MYT1: variants seen among roughly 807,000 people sequenced by gnomAD.
MYT1 encodes the protein myelin transcription factor 1.
Under a neutral mutation model 123.0 loss-of-function variants are expected in MYT1, and 23 were observed. The observed-to-expected ratio is 0.19, with a 90% CI of 0.13 to 0.26. The LOEUF (loss-of-function observed/expected upper bound fraction) is 0.26, where lower values mean the gene tolerates loss of function less well. Among genes scored for constraint, MYT1 ranks in the 10% least tolerant of loss-of-function variants. The pLI is 1.00. For missense variants in MYT1, 1,125 were observed against 1,472.5 expected (o/e 0.76, Z 3.86); for synonymous variants, 518 against 575.3 (o/e 0.90, Z 1.43).
intron 1 of MYT1, among the ~76,000 whole-genome samples, chr20:64,184,525 T>C (rs914703418): frequency 9.2e-5 from 14 of 152,226 alleles, no homozygotes; most frequent in Admixed American, 7.2e-4. Flanking sequence ...CCTTGATTAC[T>C]GCAGCTTTGT....
chr20:64,187,096 A>T (rs1251709805), intron 1 of MYT1, among the ~76,000 whole-genome samples: 2 of 146,674 alleles, frequency 1.4e-5, no homozygotes, highest in East Asian at 4.2e-4. Context: ...CCCGGCATCC[A>T]TGTTTCCGTG....
At position 64,198,929 on chromosome 20, in the gene MYT1, C is replaced by T. The variant is rs762794729; in HGVS notation, c.55+13C>T. ...AAGGCCCTGCGAGGTGAGTGCCGCC[C>T]TCCCCTCCTCCAGGGCTGTAAATGC... On this transcript the variant is annotated intron_variant, in intron 3 of 22. Coordinates refer to ENST00000328439, the MANE Select transcript of MYT1 (RefSeq NM_004535.3). 12 of 1,613,580 alleles carry T rather than the reference C, an allele frequency of 7.4e-6. No homozygotes were observed. Among genetic ancestry groups the T allele is most frequent in the Non-Finnish European group, 8.5e-6 (10 of 1,179,652 alleles).
At chr20:64,235,985 G>C (rs375666379) in intron 19 of MYT1, among the ~76,000 whole-genome samples, 1 of 139,768 alleles carries the variant, frequency 7.2e-6, no homozygotes, top group Non-Finnish European at 1.5e-5. Flanking sequence ...GCCGCGGTGG[G>C]TGACCCTGGG....
chr20:64,194,623 G>T (rs1432928580), intron 2 of MYT1, among the ~76,000 whole-genome samples: 1 of 152,238 alleles, frequency 6.6e-6, no homozygotes, highest in East Asian at 1.9e-4. Flanking sequence ...TGAGGGCCCT[G>T]TCCTGGGAGG....
Position 64,166,650 on chromosome 20 carries a change from A to C in MYT1, c.-99+1911A>C, listed in dbSNP as rs1982091508. ...TCTGGAGGTAGCCTCAGTTGTTCAG[A>C]GCTAATGCTCTGGCCCCTCTTGGAA... On this transcript the variant is annotated intron_variant, in intron 1 of 22. Transcript: ENST00000328439. This position sits in a 1 kb window ranked among gnomAD's most constrained non-coding sequence, Gnocchi z 4.9. Among the ~76,000 whole-genome samples, 2 of 152,150 alleles carry C rather than the reference A, an allele frequency of 1.3e-5. No individual in the cohort carries two copies. Among genetic ancestry groups the C allele is most frequent in the Admixed American group, 1.3e-4 (2 of 15,286 alleles).
rs796357671 is a variant in MYT1, at chr20:64,234,826, C to T, written c.2898-1729C>T. On this transcript the variant is annotated intron_variant, in intron 19 of 22. Coordinates refer to ENST00000328439, the MANE Select transcript of MYT1 (RefSeq NM_004535.3). The stretch of plus-strand genomic sequence containing the variant: ...CGGGGCTGGCCATGGTGGGTGACCC[C>T]GAGCTGGCTGTGGTGGGTGACCCTG... 9.2e-3 allele frequency among the ~76,000 whole-genome samples: 619 copies of T among 67,372 alleles called. 7 individuals are homozygous for T. The highest frequency in any genetic ancestry group is 0.036 in the African/African-American group (558 of 15,706). 44.2% of individuals were successfully genotyped at this position (67,372 alleles called of 152,430 possible).
In MYT1 at chr20:64,192,303, C is replaced by T. The variant is rs1034754217; in HGVS notation, c.-1+2143C>T. Among the ~76,000 whole-genome samples, 4 of 152,016 alleles carry T rather than the reference C, an allele frequency of 2.6e-5. No homozygotes were observed. The highest frequency in any genetic ancestry group is 4.2e-4 in the South Asian group (2 of 4,816). On this transcript the variant is annotated intron_variant, in intron 2 of 22. Coordinates refer to ENST00000328439, the MANE Select transcript of MYT1 (RefSeq NM_004535.3). The surrounding 1 kb of genome is among the most constrained non-coding windows in gnomAD (Gnocchi z 5.3). ...AAGATGAAAAGTGTGCCAGAGAAGG[C>T]GAGAGGATGAGAAAGGGTCGACTGC...
chr20:64,238,178 G>A (rs950801196), intron 21 of MYT1, among the ~76,000 whole-genome samples: 1 of 152,158 alleles, frequency 6.6e-6, no homozygotes, highest in African/African-American at 2.4e-5. Context: ...CTGCTGAGTG[G>A]AGTCTGCAGC....
chr20:64,197,351 T>C (rs1185139167), intron 2 of MYT1, among the ~76,000 whole-genome samples: 1 of 152,244 alleles, frequency 6.6e-6, no homozygotes, highest in African/African-American at 2.4e-5. Context: ...CTGTAGACAT[T>C]TGTCTCTTTT....
At chr20:64,236,767 A>G (rs1984566277) in intron 20 of MYT1, 121 bp downstream of exon 20, 1 of 814,250 alleles carries the variant, frequency 1.2e-6, no homozygotes, top group Non-Finnish European at 2.0e-6. Context: ...GGAATGAGTC[A>G]CGGCAGAGGC....
intron 18 of MYT1, among the ~76,000 whole-genome samples, chr20:64,229,795 C>T (rs542428955): frequency 9.0e-4 from 137 of 152,278 alleles, no homozygotes; most frequent in African/African-American, 3.2e-3. Flanking sequence ...TCACATCAGG[C>T]GCTTGGTGGT....
At position 64,165,940 on chromosome 20, in the gene MYT1, G is replaced by T. The variant is rs146739642; in HGVS notation, c.-99+1201G>T. On this transcript the variant is annotated intron_variant, in intron 1 of 22. Transcript: ENST00000328439. ...GCAGACCTGGGGGGGCCCACTCGGT[G>T]CTGAGGGGTATGCTCTGCCTCTGTC... 6.0e-3 allele frequency among the ~76,000 whole-genome samples: 914 copies of T among 152,252 alleles called. 8 individuals carry two copies. The highest frequency in any genetic ancestry group is 0.021 in the African/African-American group (887 of 41,540).
chr20:64,189,068 T>C lies in MYT1; in HGVS notation c.-98-995T>C, dbSNP rs1343157045. On this transcript the variant is annotated intron_variant, in intron 1 of 22. Transcript: ENST00000328439. This position sits in a 1 kb window ranked among gnomAD's most constrained non-coding sequence, Gnocchi z 5.5. The stretch of plus-strand genomic sequence containing the variant: ...ATTTCCAGATAAGAAGAGGGTGCTG[T>C]GGCCAGAGGCACAGGGCTGCCTGGG... 2.0e-5 allele frequency among the ~76,000 whole-genome samples: 3 copies of C among 152,226 alleles called. No homozygotes were observed. Among genetic ancestry groups the C allele is most frequent in the Non-Finnish European group, 4.4e-5 (3 of 68,038 alleles).
chr20:64,234,249 C>A (rs1984428082), intron 19 of MYT1, among the ~76,000 whole-genome samples: 1 of 152,190 alleles, frequency 6.6e-6, no homozygotes. Context: ...CTGTGACTGT[C>A]ATTATCACCA....
Position 64,193,469 on chromosome 20 carries a change from C to T in MYT1, c.-1+3309C>T, listed in dbSNP as rs1983021662. ...GAGCTTGGATCTTCCACAATACTGT[C>T]TGCTGTAATGGCTTCACAGCAGTGA... On this transcript the variant is annotated intron_variant, in intron 2 of 22. Transcript: ENST00000328439. The surrounding 1 kb of genome is among the most constrained non-coding windows in gnomAD (Gnocchi z 4.0). Among the ~76,000 whole-genome samples the T allele has an allele frequency of 1.3e-5, 2 of 152,156 alleles. No homozygotes were observed. The highest frequency in any genetic ancestry group is 4.8e-5 in the African/African-American group (2 of 41,422).
At position 64,164,599 on chromosome 20, in the gene MYT1, C is replaced by G. The variant is rs1219556531; in HGVS notation, c.-239C>G. 3 of 152,188 alleles carry G rather than the reference C, an allele frequency of 2.0e-5. No homozygotes were observed. The highest frequency in any genetic ancestry group is 7.2e-5 in the African/African-American group (3 of 41,436). The allele number at this position is 152,188 out of a possible 1,614,324, so 9.4% of individuals were successfully genotyped here. A position where few individuals can be genotyped will look rare whatever the true frequency, so the allele number is the denominator to read the frequency against. On this transcript the variant is annotated 5_prime_UTR_variant, in exon 1 of 23. Coordinates refer to ENST00000328439, the MANE Select transcript of MYT1 (RefSeq NM_004535.3). ...TATTTAATTGAAACCCGCACGCAGG[C>G]TTCCCCACATGTGACCGCTGTACGG...
chr20:64,194,919 G>A (rs745950471), intron 2 of MYT1, among the ~76,000 whole-genome samples: 7 of 151,832 alleles, frequency 4.6e-5, no homozygotes, highest in African/African-American at 9.7e-5. Context: ...TTTTTGAGAC[G>A]GAGTCTTGCT....
At chr20:64,235,928 CCGCGGTGGGTGACCCTGGGCTGGA>C (rs1984520844) in intron 19 of MYT1, among the ~76,000 whole-genome samples, 1 of 131,792 alleles carries the variant, frequency 7.6e-6, no homozygotes, top group Non-Finnish European at 1.6e-5. Context: ...CCTGGGCTGG[CCGCGGTGGGTGACCCTGGGCTGGA>C]CGTGGTGGGT....
chr20:64,211,321 G>A lies in MYT1; in HGVS notation c.1407G>A (p.Lys469=). ...HHRSLSGCPH[K]DRIPPEILAM... The stretch of plus-strand genomic sequence containing the variant: ...GCAGCCTTTCTGGCTGTCCCCACAA[G>A]GATAGGATCCCCCCAGAGAGTGAGT... Residue 469 remains lysine (K), a synonymous_variant, in exon 8 of 23, where the codon AAG becomes AAA. Transcript: ENST00000328439. 6.2e-7 allele frequency: 1 copy of A among 1,613,672 alleles called. No homozygotes were observed. The highest frequency in any genetic ancestry group is 8.5e-7 in the Non-Finnish European group (1 of 1,179,676).
Sources: allele counts gnomAD v4.1 joint callset (sites outside exome capture counted in the v4.1 genomes callset), GRCh38; gene constraint gnomAD v4.1.1; non-coding constraint Gnocchi (gnomAD v3.1); transcripts MANE v1.5; gene names NCBI Gene and HGNC (gene_info 2026-07-23, HGNC 2026-07-21).